The following DMD variants were observed in gnomAD, a reference collection of about 807,000 sequenced individuals.
DMD encodes dystrophin.
DMD carries 63 observed loss-of-function variants against 330.1 expected under a neutral mutation model. The observed-to-expected ratio is 0.19, with a 90% CI of 0.16 to 0.24. DMD has a LOEUF of 0.24. Among genes scored for constraint, DMD ranks in the 10% least tolerant of loss-of-function variants. The probability of loss-of-function intolerance (pLI) is 1.00; values close to 1 mark genes in which losing one functional copy is unlikely to be tolerated. For synonymous variants in DMD, 1,223 were observed against 959.8 expected (o/e 1.27, Z -5.07); for missense variants, 3,344 against 2,684.1 (o/e 1.25, Z -5.43).
chrX:32,971,258 A>G (rs2092370583), intron 2 of DMD, among the ~76,000 whole-genome samples: 1 of 111,819 alleles, frequency 8.9e-6, no homozygotes, highest in Non-Finnish European at 1.9e-5. Context: ...CACCGCACTC[A>G]GCCAGTTTGT....
intron 44 of DMD, among the ~76,000 whole-genome samples, chrX:32,035,858 C>T (rs940643700): frequency 9.0e-6 from 1 of 111,366 alleles, no homozygotes; most frequent in Admixed American, 9.6e-5. Context: ...CAACAGGGAA[C>T]GTTAGGATCG....
intron 29 of DMD, among the ~76,000 whole-genome samples, chrX:32,416,038 A>C (rs2098164792): frequency 8.9e-6 from 1 of 112,272 alleles, no homozygotes; most frequent in Non-Finnish European, 1.9e-5. Context: ...TTGTACCACA[A>C]TATTACAAAC....
chrX:32,609,104 T>A (rs1265054444), intron 12 of DMD, among the ~76,000 whole-genome samples: 1 of 110,207 alleles, frequency 9.1e-6, no homozygotes, highest in Non-Finnish European at 1.9e-5. Flanking sequence ...ACTTTGAGCT[T>A]TTTGTTCATA....
intron 44 of DMD, among the ~76,000 whole-genome samples, chrX:32,197,756 C>T (rs1239044256): frequency 5.4e-5 from 6 of 110,617 alleles, no homozygotes; most frequent in African/African-American, 2.0e-4. Flanking sequence ...ACGTATTATA[C>T]AACACATTGT....
chrX:33,116,669 A>C (rs961035426), intron 1 of DMD, among the ~76,000 whole-genome samples: 5 of 112,007 alleles, frequency 4.5e-5, no homozygotes, highest in African/African-American at 1.6e-4. Context: ...ACAAAAGTTC[A>C]TAGAAAAAAG....
Position 32,907,223 on chromosome X carries a change from C to G in DMD, c.94-57403G>C, listed in dbSNP as rs189011134. Among the ~76,000 whole-genome samples, 6 of 111,984 alleles carry G rather than the reference C, an allele frequency of 5.4e-5. No individual in the cohort carries two copies. In the Admixed American group the frequency reaches 5.7e-4, roughly 11 times the overall value. ...CAGGTTCAGTACATTATTCATGAAA[C>G]TACTTCAAAATGCTTTGTTTTAGAT... On this transcript the variant is annotated intron_variant, in intron 2 of 78. Coordinates refer to ENST00000357033, the MANE Select transcript of DMD (RefSeq NM_004006.3).
At chrX:31,857,875 T>C (rs2093641372) in intron 48 of DMD, among the ~76,000 whole-genome samples, 1 of 110,312 alleles carries the variant, frequency 9.1e-6, no homozygotes, top group Admixed American at 9.8e-5. Context: ...AAATTTTCTA[T>C]ATCATGAATC....
At chrX:31,351,734 A>AAAAAAAAAAAAAC in intron 60 of DMD, among the ~76,000 whole-genome samples, 1 of 107,872 alleles carries the variant, frequency 9.3e-6, no homozygotes, top group African/African-American at 3.4e-5. Context: ...TCAAAAAAAA[A>AAAAAAAAAAAAAC]AAAAAAAAAA....
chrX:32,965,386 C>T (rs1028609998), intron 2 of DMD, among the ~76,000 whole-genome samples: 3 of 107,038 alleles, frequency 2.8e-5, no homozygotes, highest in Non-Finnish European at 5.8e-5. Flanking sequence ...AGCAGCTACT[C>T]GGGAGGCTGA....
intron 1 of DMD, among the ~76,000 whole-genome samples, chrX:33,168,109 A>G (rs12012134): frequency 0.016 from 1,740 of 109,217 alleles, 39 homozygotes; most frequent in African/African-American, 0.055. Flanking sequence ...GCGTGTGTGC[A>G]TGTGTGTGTG....
Position 31,173,563 on chromosome X carries a change from G to T in DMD, c.10304C>A (p.Ser3435Ter). The T allele has an allele frequency of 8.3e-7, 1 of 1,210,426 alleles. No individual in the cohort carries two copies. The highest frequency in any genetic ancestry group is 1.1e-6 in the Non-Finnish European group (1 of 894,413). ...CCTGCTAGCATAATGTTCAATGCGT[G>T]AATGAGTATCATCGTGTGAAAGCTG... ...SPQLSHDDTH[S>*]RIEHYASRLA... The change falls in exon 72 of 79, where the codon TCA becomes TAA. Residue 3435 changes from serine to a stop codon, truncating the protein, a stop_gained. Transcript: ENST00000357033. LOFTEE classifies it high-confidence loss of function.
intron 50 of DMD, among the ~76,000 whole-genome samples, chrX:31,804,838 C>CT (rs368248678): frequency 2.0e-3 from 193 of 97,171 alleles, no homozygotes; most frequent in East Asian, 9.3e-3. Flanking sequence ...TTCAAATTTC[C>CT]TTTTTTTTTT....
At chrX:32,577,289 T>C (rs899489393) in intron 13 of DMD, among the ~76,000 whole-genome samples, 1 of 112,176 alleles carries the variant, frequency 8.9e-6, no homozygotes, top group African/African-American at 3.2e-5. Context: ...GCCAGTACCT[T>C]GGTCTTGAAC....
intron 41 of DMD, among the ~76,000 whole-genome samples, chrX:32,339,495 AC>A (rs1415426496): frequency 1.8e-5 from 2 of 111,416 alleles, no homozygotes; most frequent in African/African-American, 6.5e-5. Context: ...TGCCCTGAGG[AC>A]CACAATTTGC....
chrX:32,490,998 A>C (rs1049795734), intron 20 of DMD, among the ~76,000 whole-genome samples: 2 of 112,364 alleles, frequency 1.8e-5, no homozygotes, highest in African/African-American at 3.2e-5. Flanking sequence ...TTTACAGGAT[A>C]CATGTGGTTT....
chrX:32,242,977 A>AG lies in DMD; in HGVS notation c.6291-25915dup, dbSNP rs764495442. Among the ~76,000 whole-genome samples the AG allele has an allele frequency of 5.5e-3, 581 of 104,801 alleles. 9 individuals carry two copies. The highest frequency in any genetic ancestry group is 0.02 in the African/African-American group (557 of 28,460). 91.0% of individuals were successfully genotyped at this position (104,801 alleles called of 115,157 possible). On this transcript the variant is annotated intron_variant, in intron 43 of 78. Coordinates refer to ENST00000357033, the MANE Select transcript of DMD (RefSeq NM_004006.3). ...AAAGGAACAGAAGGAAAGGAAAGGA[A>AG]GAAGGAAGGAAGGAAGGAAGAAACA...
At chrX:32,315,649 A>C (rs2097580394) in intron 41 of DMD, among the ~76,000 whole-genome samples, 1 of 111,410 alleles carries the variant, frequency 9.0e-6, no homozygotes, top group African/African-American at 3.3e-5. Context: ...TCATAGTCCT[A>C]AACCAGGGCT....
intron 41 of DMD, among the ~76,000 whole-genome samples, chrX:32,333,571 T>A (rs55953420): frequency 0.088 from 9,803 of 111,062 alleles, 418 homozygotes; most frequent in Non-Finnish European, 0.12. Flanking sequence ...TATACTTATA[T>A]TTCTTTTTTT....
chrX:32,628,363 T>C (rs1040413723), intron 11 of DMD, among the ~76,000 whole-genome samples: 5 of 93,025 alleles, frequency 5.4e-5, no homozygotes, highest in Non-Finnish European at 1.0e-4. Flanking sequence ...TTAATCAACA[T>C]AACGTCCTCC....
Sources: gnomAD v4.1 joint callset for allele counts (sites outside exome capture counted in the v4.1 genomes callset) on GRCh38, gnomAD v4.1.1 for gene constraint, MANE v1.5 for transcripts, NCBI Gene and HGNC (gene_info 2026-07-23, HGNC 2026-07-21) for gene names.